ITGBL1: variants seen among roughly 807,000 people sequenced by gnomAD.
ITGBL1 encodes the protein integrin subunit beta like 1.
Under a neutral mutation model 68.5 loss-of-function variants are expected in ITGBL1, and 51 were observed. That is an observed-to-expected ratio of 0.74 (90% CI 0.59 to 0.94). ITGBL1 has a LOEUF of 0.94. Among genes scored for constraint, ITGBL1 ranks in the 40% least tolerant of loss-of-function variants. ITGBL1 has a pLI of 0.00. For missense variants in ITGBL1, 649 were observed against 647.4 expected (o/e 1.00, Z -0.03); for synonymous variants, 209 against 227.3 (o/e 0.92, Z 0.72).
intron 7 of ITGBL1, among the ~76,000 whole-genome samples, chr13:101,615,127 G>A (rs549241731): frequency 7.0e-4 from 107 of 152,116 alleles, no homozygotes; most frequent in African/African-American, 2.3e-3. Flanking sequence ...GGCTTTTGGC[G>A]TTCCTTGGCT....
At chr13:101,526,172 ATACTT>A (rs2049375601) in intron 2 of ITGBL1, among the ~76,000 whole-genome samples, 1 of 90,894 alleles carries the variant, frequency 1.1e-5, no homozygotes. Flanking sequence ...TTTTTTTTAA[ATACTT>A]TAAGTTCTGG....
At chr13:101,600,021 C>A (rs1485275311) in intron 7 of ITGBL1, among the ~76,000 whole-genome samples, 1 of 152,186 alleles carries the variant, frequency 6.6e-6, no homozygotes, top group African/African-American at 2.4e-5. Context: ...TGTAAAGTAC[C>A]TTGGGCAGTA....
chr13:101,671,447 GTT>G (rs1313845131), intron 7 of ITGBL1, among the ~76,000 whole-genome samples: 5 of 103,628 alleles, frequency 4.8e-5, no homozygotes, highest in African/African-American at 2.1e-4. Context: ...GTTTTTTTTT[GTT>G]TTTTTTTGAG....
intron 2 of ITGBL1, among the ~76,000 whole-genome samples, chr13:101,566,840 T>C (rs759961834): frequency 1.2e-4 from 19 of 152,168 alleles, no homozygotes; most frequent in Admixed American, 3.3e-4. Flanking sequence ...GTCCAGAAAG[T>C]CTCTGCTGTT....
intron 7 of ITGBL1, among the ~76,000 whole-genome samples, chr13:101,621,861 T>TC (rs1344184898): frequency 6.6e-6 from 1 of 152,008 alleles, no homozygotes; most frequent in African/African-American, 2.4e-5. Context: ...TGGCTGATTA[T>TC]CCCCAAAGCC....
chr13:101,590,151 T>A (rs2050626658), intron 6 of ITGBL1, among the ~76,000 whole-genome samples: 1 of 152,222 alleles, frequency 6.6e-6, no homozygotes, highest in Non-Finnish European at 1.5e-5. Context: ...CCACAGCTAA[T>A]CTGGCTTTTG....
intron 7 of ITGBL1, among the ~76,000 whole-genome samples, chr13:101,610,119 T>C (rs2031052853): frequency 6.6e-6 from 1 of 152,180 alleles, no homozygotes; most frequent in Non-Finnish European, 1.5e-5. Context: ...ATTTTGTTAC[T>C]ATGATTATAT....
At position 101,453,954 on chromosome 13, in the gene ITGBL1, C is replaced by T. The variant is rs2048200777; in HGVS notation, c.170C>T (p.Pro57Leu). 5 of 1,492,278 alleles carry T rather than the reference C, an allele frequency of 3.4e-6. No individual in the cohort carries two copies. Among genetic ancestry groups the T allele is most frequent in the South Asian group, 2.6e-5 (2 of 76,902 alleles). The allele number at this position is 1,492,278 out of a possible 1,614,324, so 92.4% of individuals were successfully genotyped here. A position where few individuals can be genotyped will look rare whatever the true frequency, so the allele number is the denominator to read the frequency against. The stretch of plus-strand genomic sequence containing the variant: ...CGACGCTGCCGCGCACCTGGGCAGC[C>T]CCCGGGGGCCGCGCTGTGCCACGGC... The part of the protein sequence containing the change: ...SERRCRAPGQ[P>L]PGAALCHGRG... The change falls in exon 2 of 11, where the codon CCC becomes CTC. Residue 57 changes from proline (P) to leucine (L), a missense_variant. Coordinates refer to ENST00000376180, the MANE Select transcript of ITGBL1 (RefSeq NM_004791.3).
At chr13:101,638,978 G>C (rs933963704) in intron 7 of ITGBL1, among the ~76,000 whole-genome samples, 1 of 152,090 alleles carries the variant, frequency 6.6e-6, no homozygotes, top group African/African-American at 2.4e-5. Flanking sequence ...ATGGTAAAAA[G>C]TAACAACTAA....
intron 6 of ITGBL1, among the ~76,000 whole-genome samples, chr13:101,597,847 C>T (rs1594915705): frequency 2.0e-5 from 3 of 152,048 alleles, no homozygotes; most frequent in South Asian, 4.2e-4. Flanking sequence ...CCACAGCGCC[C>T]GGCCCAAATA....
chr13:101,552,786 G>A (rs2049942129), intron 2 of ITGBL1, among the ~76,000 whole-genome samples: 1 of 152,214 alleles, frequency 6.6e-6, no homozygotes, highest in Admixed American at 6.5e-5. Context: ...CTCCTTTTCA[G>A]TTGGGTGAGG....
Position 101,654,503 on chromosome 13 carries a change from G to A in ITGBL1, c.1016-38082G>A, listed in dbSNP as rs756288402. ...CCATTTTACCAAAGGTTTGAGATTT[G>A]GAATATGAGTGAAAGGGAGGAATCA... On this transcript the variant is annotated intron_variant, in intron 7 of 10. Coordinates refer to ENST00000376180, the MANE Select transcript of ITGBL1 (RefSeq NM_004791.3). Among the ~76,000 whole-genome samples the A allele has an allele frequency of 3.3e-5, 5 of 152,196 alleles. No individual in the cohort carries two copies. The East Asian group carries it at 9.7e-4, about 29-fold the overall frequency.
At chr13:101,690,275 G>A (rs1313561894) in intron 7 of ITGBL1, among the ~76,000 whole-genome samples, 1 of 152,200 alleles carries the variant, frequency 6.6e-6, no homozygotes, top group African/African-American at 2.4e-5. Context: ...ACAACGGAAT[G>A]TTGAAATCTG....
intron 2 of ITGBL1, among the ~76,000 whole-genome samples, chr13:101,484,843 T>C (rs984671306): frequency 6.6e-6 from 1 of 152,082 alleles, no homozygotes; most frequent in Non-Finnish European, 1.5e-5. Flanking sequence ...TCAAATTTGA[T>C]GAACATTGTA....
At chr13:101,487,399 C>T (rs780482995) in intron 2 of ITGBL1, among the ~76,000 whole-genome samples, 6 of 151,938 alleles carry the variant, frequency 3.9e-5, no homozygotes, top group Non-Finnish European at 7.4e-5. Flanking sequence ...AGGTTTACAC[C>T]AATGTCATTA....
At chr13:101,679,222 A>G (rs1232901621) in intron 7 of ITGBL1, among the ~76,000 whole-genome samples, 1 of 152,158 alleles carries the variant, frequency 6.6e-6, no homozygotes, top group Non-Finnish European at 1.5e-5. Flanking sequence ...CACTTTCTAT[A>G]GAAACATTTA....
At chr13:101,619,528 G>A (rs2031501103) in intron 7 of ITGBL1, among the ~76,000 whole-genome samples, 1 of 152,180 alleles carries the variant, frequency 6.6e-6, no homozygotes, top group Admixed American at 6.5e-5. Context: ...CAGAAGGAAT[G>A]TAGTCTTGAC....
intron 2 of ITGBL1, among the ~76,000 whole-genome samples, chr13:101,482,707 G>T (rs1369789606): frequency 6.6e-6 from 1 of 152,030 alleles, no homozygotes; most frequent in Non-Finnish European, 1.5e-5. Flanking sequence ...AATACTCATA[G>T]GTGTATCAGG....
At chr13:101,705,319 C>CAAA (rs1329378993) in intron 8 of ITGBL1, among the ~76,000 whole-genome samples, 19 of 132,758 alleles carry the variant, frequency 1.4e-4, no homozygotes, top group Admixed American at 5.2e-4. Context: ...ACAACAACAA[C>CAAA]AAAAAAAAAT....
Sources: allele counts gnomAD v4.1 joint callset (sites outside exome capture counted in the v4.1 genomes callset), GRCh38; gene constraint gnomAD v4.1.1; transcripts MANE v1.5; gene names NCBI Gene and HGNC (gene_info 2026-07-23, HGNC 2026-07-21).